VPS13B: variants seen among roughly 807,000 people sequenced by gnomAD.
VPS13B encodes the protein intermembrane lipid transfer protein VPS13B.
In VPS13B, 285 loss-of-function variants were observed where a neutral mutation model predicts 426.4. The observed-to-expected ratio is 0.67, with a 90% CI of 0.61 to 0.74. The LOEUF is 0.74. Among genes scored for constraint, VPS13B ranks in the 30% least tolerant of loss-of-function variants. The pLI is 0.00. For missense variants in VPS13B, 4,537 were observed against 4,782.6 expected, an observed-to-expected ratio of 0.95 and a Z score of 1.51; for synonymous variants, 1,676 against 1,676.4, an observed-to-expected ratio of 1.00 and a Z score of 0.01.
chr8:99,474,867 A>C (rs879702141), intron 24 of VPS13B, among the ~76,000 whole-genome samples: 1 of 152,168 alleles, frequency 6.6e-6, no homozygotes, highest in African/African-American at 2.4e-5. Flanking sequence ...ACAAAAATAT[A>C]TATCCACAAA....
chr8:99,501,703 C>A lies in VPS13B; in HGVS notation c.3887C>A (p.Ala1296Glu). ...TCATCCCAGGGAGATTCTATACAAG[C>A]AGGTGAGGAATCACCATTCTCAGAT... ...GTTTEGDSIQ[A>E]GEESPFSDSV... Residue 1296 changes from alanine to glutamate, a missense_variant, in exon 26 of 62, where the codon GCA becomes GAA. Transcript: ENST00000357162. The A allele has an allele frequency of 6.2e-7, 1 of 1,613,974 alleles. No homozygotes were observed. Among genetic ancestry groups the A allele is most frequent in the South Asian group, 1.1e-5 (1 of 91,078 alleles).
chr8:99,348,117 G>A (rs1453074618), intron 19 of VPS13B: 1 of 152,244 alleles, frequency 6.6e-6, no homozygotes, highest in Non-Finnish European at 1.5e-5. Flanking sequence ...ATCTCCAAGA[G>A]GATCAGAGCC....
At chr8:99,350,751 T>C (rs1811833879) in intron 19 of VPS13B, among the ~76,000 whole-genome samples, 1 of 151,934 alleles carries the variant, frequency 6.6e-6, no homozygotes, top group South Asian at 2.1e-4. Context: ...AGGAGGTAAA[T>C]GAATCAGGAG....
At position 99,418,549 on chromosome 8, in the gene VPS13B, C is replaced by A. The variant is rs530535864; in HGVS notation, c.3083-12988C>A. Among the ~76,000 whole-genome samples the A allele has an allele frequency of 3.2e-5, 3 of 92,464 alleles. No individual in the cohort carries two copies. In the South Asian group the frequency reaches 9.7e-4, roughly 30 times the overall value. 60.7% of individuals were successfully genotyped at this position (92,464 alleles called of 152,430 possible). A position where few individuals can be genotyped will look rare whatever the true frequency, so the allele number is the denominator to read the frequency against. ...CTTTCTCTTTCTTTTCTTTTCTTTT[C>A]TTTTCTTTCATTTTTTTGACATGGA... On this transcript the variant is annotated intron_variant, in intron 21 of 61. Transcript: ENST00000357162.
chr8:99,195,829 A>G (rs1813886970), intron 17 of VPS13B, among the ~76,000 whole-genome samples: 1 of 152,160 alleles, frequency 6.6e-6, no homozygotes, highest in Non-Finnish European at 1.5e-5. Flanking sequence ...TTCTTTCCCC[A>G]TTGTATATTC....
intron 50 of VPS13B, among the ~76,000 whole-genome samples, chr8:99,823,339 A>G (rs1335969966): frequency 2.6e-5 from 4 of 152,308 alleles, no homozygotes; most frequent in South Asian, 2.1e-4. Flanking sequence ...CAATATTGCA[A>G]TATATGAAGG....
chr8:99,456,865 T>A (rs1479495536), intron 23 of VPS13B, among the ~76,000 whole-genome samples: 1 of 152,166 alleles, frequency 6.6e-6, no homozygotes, highest in Non-Finnish European at 1.5e-5. Flanking sequence ...GTATTAGGGA[T>A]TGACATTCTT....
intron 30 of VPS13B, among the ~76,000 whole-genome samples, chr8:99,525,875 C>T (rs1309270692): frequency 6.6e-6 from 1 of 152,090 alleles, no homozygotes; most frequent in Non-Finnish European, 1.5e-5. Context: ...GATCCTGAAG[C>T]AGGAAGAAGT....
At chr8:99,253,369 TG>T (rs1375480212) in intron 17 of VPS13B, among the ~76,000 whole-genome samples, 1 of 152,202 alleles carries the variant, frequency 6.6e-6, no homozygotes, top group Non-Finnish European at 1.5e-5. Flanking sequence ...GATGTTCTGC[TG>T]GATCATATGG....
intron 36 of VPS13B, among the ~76,000 whole-genome samples, chr8:99,716,911 C>T (rs1313221222): frequency 6.6e-6 from 1 of 152,140 alleles, no homozygotes; most frequent in Admixed American, 6.5e-5. Context: ...AATGTCTCTA[C>T]TCATAAAACT....
At chr8:99,376,878 G>T (rs970927571) in intron 19 of VPS13B, among the ~76,000 whole-genome samples, 3 of 151,680 alleles carry the variant, frequency 2.0e-5, no homozygotes, top group African/African-American at 7.3e-5. Context: ...TAATCTAAAA[G>T]AACATAATCC....
chr8:99,632,278 T>G (rs183339314), intron 33 of VPS13B, among the ~76,000 whole-genome samples: 63 of 152,088 alleles, frequency 4.1e-4, no homozygotes, highest in African/African-American at 1.4e-3. Flanking sequence ...GATTACTACT[T>G]TAATGTTTGA....
chr8:99,495,004 A>T (rs1820812115), intron 25 of VPS13B, among the ~76,000 whole-genome samples: 1 of 152,052 alleles, frequency 6.6e-6, no homozygotes, highest in Non-Finnish European at 1.5e-5. Flanking sequence ...TCAGACTGGG[A>T]GACTTCCACT....
rs1199701824 is a variant in VPS13B, at chr8:99,360,151, TTTCTTTCTTTCTTTCTTTCTTTC to T, written c.2825-24054_2825-24032del. Among the ~76,000 whole-genome samples, 3 of 34,262 alleles carry T rather than the reference TTTCTTTCTTTCTTTCTTTCTTTC, an allele frequency of 8.8e-5. No individual in the cohort carries two copies. The East Asian group carries it at 2.0e-3, about 23-fold the overall frequency. 22.5% of individuals were successfully genotyped at this position (34,262 alleles called of 152,430 possible). ...CTTTCTTTCTTTCTTTCTTTCTTTC[TTTCTTTCTTTCTTTCTTTCTTTC>T]TTTCTTTCTTTCTTTCTCTCTCTCT... On this transcript the variant is annotated intron_variant, in intron 19 of 61. Transcript: ENST00000357162.
At chr8:99,059,924 C>A (rs191466468) in intron 3 of VPS13B, among the ~76,000 whole-genome samples, 3 of 151,372 alleles carry the variant, frequency 2.0e-5, no homozygotes, top group African/African-American at 4.9e-5. Flanking sequence ...TTCGTAGAGA[C>A]GGGGTTTCAG....
intron 23 of VPS13B, among the ~76,000 whole-genome samples, chr8:99,460,027 G>A (rs914805803): frequency 1.4e-4 from 21 of 151,962 alleles, no homozygotes; most frequent in African/African-American, 4.3e-4. Context: ...ACAGTATTTT[G>A]TTAATCTTGC....
intron 8 of VPS13B, among the ~76,000 whole-genome samples, chr8:99,123,682 G>C (rs528451506): frequency 6.6e-6 from 1 of 152,144 alleles, no homozygotes; most frequent in African/African-American, 2.4e-5. Context: ...GATGAAAAGT[G>C]ATTGTGTTTT....
chr8:99,279,280 C>A (rs1014090757), intron 19 of VPS13B, among the ~76,000 whole-genome samples: 2 of 152,044 alleles, frequency 1.3e-5, no homozygotes, highest in African/African-American at 4.8e-5. Flanking sequence ...ATATTTTCTT[C>A]CCTTATTTTT....
At chr8:99,497,480 A>C (rs1820990522) in intron 25 of VPS13B, among the ~76,000 whole-genome samples, 1 of 151,378 alleles carries the variant, frequency 6.6e-6, no homozygotes, top group Non-Finnish European at 1.5e-5. Flanking sequence ...TTGGAAGCTT[A>C]GGGTCATGGC....
Sources: allele counts gnomAD v4.1 joint callset (sites outside exome capture counted in the v4.1 genomes callset), GRCh38; gene constraint gnomAD v4.1.1; transcripts MANE v1.5; gene names NCBI Gene and HGNC (gene_info 2026-07-23, HGNC 2026-07-21).